TEX14: variants seen among roughly 807,000 people sequenced by gnomAD.
TEX14 encodes testis expressed 14, intercellular bridge forming factor.
A neutral mutation model predicts 178.6 loss-of-function variants in TEX14; 168 were observed. The ratio of observed to expected loss-of-function variants is 0.94; its 90% confidence interval spans 0.83 to 1.07. TEX14 has a LOEUF of 1.07. Among genes scored for constraint, TEX14 ranks in the 50% least tolerant of loss-of-function variants. The pLI is 0.00. For missense variants in TEX14, 1,730 were observed against 1,753.6 expected (o/e 0.99, Z 0.24); for synonymous variants, 626 against 634.1 (o/e 0.99, Z 0.19).
rs1159712249 is a variant in TEX14, at chr17:58,571,943, G to C, written c.3695C>G (p.Pro1232Arg). The C allele has an allele frequency of 2.5e-6, 4 of 1,614,094 alleles. No homozygotes were observed. Among genetic ancestry groups the C allele is most frequent in the Non-Finnish European group, 2.5e-6 (3 of 1,179,998 alleles). Residue 1232 changes from proline to arginine, a missense_variant, in exon 24 of 32, where the codon CCC becomes CGC. By Grantham distance (103) the Pro-to-Arg change is moderately radical (BLOSUM62 -2). Transcript: ENST00000349033. ...LDSLLTSSET[P>R]PSRLTGLKRL... Reference sequence around the variant, plus strand: ...TACAAGACCAGTCAGTCTTGAAGGGGGAGTTTCAGAGGAAGTAAGGAGAGA... The same window carrying C: ...TACAAGACCAGTCAGTCTTGAAGGGCGAGTTTCAGAGGAAGTAAGGAGAGA...
chr17:58,684,336 C>A (rs539012240), intron 1 of TEX14, among the ~76,000 whole-genome samples: 13 of 151,740 alleles, frequency 8.6e-5, no homozygotes, highest in Non-Finnish European at 1.9e-4. Context: ...GTGGTGGGTG[C>A]CTGTAATCCC....
In TEX14 at chr17:58,637,925, G is replaced by A. The variant is rs558331225; in HGVS notation, c.137-7371C>T. 4.0e-5 allele frequency among the ~76,000 whole-genome samples: 6 copies of A among 149,224 alleles called. No individual in the cohort carries two copies. In the South Asian group the frequency reaches 6.4e-4, roughly 16 times the overall value. On this transcript the variant is annotated intron_variant, in intron 2 of 31. Transcript: ENST00000349033. ...CACCCAGGCTGGAGTGCAGTGGTGC[G>A]ATCTCGGCTCACTGCAACCTCTGCC...
At chr17:58,570,719 G>A (rs1000008606) in intron 24 of TEX14, among the ~76,000 whole-genome samples, 7 of 147,844 alleles carry the variant, frequency 4.7e-5, no homozygotes, top group Admixed American at 2.1e-4. Flanking sequence ...TTCACCTCCC[G>A]GGTTCATGCA....
chr17:58,649,004 C>T (rs2046781113), intron 2 of TEX14, among the ~76,000 whole-genome samples: 1 of 150,686 alleles, frequency 6.6e-6, no homozygotes, highest in Admixed American at 6.6e-5. Context: ...GTCTCGATCT[C>T]CTGACCTCGT....
chr17:58,674,644 T>A (rs1474120428), intron 1 of TEX14, among the ~76,000 whole-genome samples: 2 of 152,118 alleles, frequency 1.3e-5, no homozygotes, highest in African/African-American at 4.8e-5. Context: ...CACTCCAGCC[T>A]GGGTGACAGA....
At chr17:58,671,655 C>G (rs545869444) in intron 1 of TEX14, among the ~76,000 whole-genome samples, 9 of 152,272 alleles carry the variant, frequency 5.9e-5, no homozygotes, top group South Asian at 2.1e-4. Flanking sequence ...CAGGGTCCAT[C>G]CCTGCCTTTC....
chr17:58,586,165 C>G (rs2044967874), intron 17 of TEX14, 83 bp from the exon 18 acceptor site: 2 of 1,397,288 alleles, frequency 1.4e-6, no homozygotes, highest in Non-Finnish European at 1.9e-6. Context: ...ATACATAATA[C>G]TATTATAACT....
At chr17:58,688,263 G>A (rs925563571) in intron 1 of TEX14, among the ~76,000 whole-genome samples, 1 of 151,920 alleles carries the variant, frequency 6.6e-6, no homozygotes, top group African/African-American at 2.4e-5. Flanking sequence ...TGGGACTATA[G>A]GTACCCTCCA....
chr17:58,615,024 CACT>C (rs1282176415), intron 8 of TEX14, among the ~76,000 whole-genome samples: 6 of 152,208 alleles, frequency 3.9e-5, no homozygotes, highest in African/African-American at 1.4e-4. Context: ...CCCTCACCAC[CACT>C]GTCCCCACTG....
chr17:58,684,940 T>C (rs762304934), intron 1 of TEX14, among the ~76,000 whole-genome samples: 23 of 152,040 alleles, frequency 1.5e-4, no homozygotes, highest in Non-Finnish European at 2.4e-4. Context: ...CATGCCTAGG[T>C]GACAGAGCAA....
chr17:58,673,374 T>C (rs1245724249), intron 1 of TEX14, among the ~76,000 whole-genome samples: 1 of 150,100 alleles, frequency 6.7e-6, no homozygotes, highest in Non-Finnish European at 1.5e-5. Context: ...TCCCAGCTAC[T>C]CAGGAGGCTG....
rs548762963 is a variant in TEX14, at chr17:58,635,428, C to CTT, written c.137-4876_137-4875dup. The stretch of plus-strand genomic sequence containing the variant: ...AACCAAGGCCTCCAAGGGCTTCTCT[C>CTT]TTTTTTTTTTTTTTTTTTTGAGACA... On this transcript the variant is annotated intron_variant, in intron 2 of 31. Transcript: ENST00000349033. 6.3e-4 allele frequency among the ~76,000 whole-genome samples: 82 copies of CTT among 129,558 alleles called. 1 individual carries two copies. The highest frequency in any genetic ancestry group is 1.5e-3 in the South Asian group (6 of 3,928). 85.0% of individuals were successfully genotyped at this position (129,558 alleles called of 152,430 possible). A position where few individuals can be genotyped will look rare whatever the true frequency, so the allele number is the denominator to read the frequency against.
chr17:58,593,110 C>T (rs2045197123), intron 15 of TEX14, among the ~76,000 whole-genome samples: 1 of 152,112 alleles, frequency 6.6e-6, no homozygotes, highest in Non-Finnish European at 1.5e-5. Context: ...AAAGTCAATT[C>T]ATTTCATTCG....
chr17:58,680,251 C>A (rs998402523), intron 1 of TEX14, among the ~76,000 whole-genome samples: 4 of 152,030 alleles, frequency 2.6e-5, no homozygotes, highest in Non-Finnish European at 5.9e-5. Context: ...ATACACGTAA[C>A]CTGAGTAAGT....
At position 58,625,702 on chromosome 17, in the gene TEX14, G is replaced by A. The variant is rs77293504; in HGVS notation, c.252-2690C>T. On this transcript the variant is annotated intron_variant, in intron 3 of 31. Transcript: ENST00000349033. Reference sequence around the variant, plus strand: ...GGTACACACAGTGTTCAAAAAAATTGAAATAGTTGGCAATATTTAACATTT... The same window carrying A: ...GGTACACACAGTGTTCAAAAAAATTAAAATAGTTGGCAATATTTAACATTT... Among the ~76,000 whole-genome samples, 354 of 152,232 alleles carry A rather than the reference G, an allele frequency of 2.3e-3. 15 individuals are homozygous for A. In the East Asian group the frequency reaches 0.057, roughly 25 times the overall value.
chr17:58,659,438 A>T (rs924138543), intron 1 of TEX14: 1 of 442,298 alleles, frequency 2.3e-6, no homozygotes, highest in Non-Finnish European at 3.0e-6. Flanking sequence ...CTCAGACTAC[A>T]CCTTCTTTGG....
At chr17:58,602,681 G>A in intron 11 of TEX14, 91 bp from the exon 12 acceptor site, 1 of 969,840 alleles carries the variant, frequency 1.0e-6, no homozygotes, top group Non-Finnish European at 1.5e-6. Context: ...GGTAACCTTA[G>A]GCAAGTCACT....
rs1158529437 is a variant in TEX14 at position 58,572,114 on chromosome 17, G to T, written c.3524C>A (p.Ser1175Ter). 1 of 1,606,380 alleles carries T rather than the reference G, an allele frequency of 6.2e-7. No homozygotes were observed. The highest frequency in any genetic ancestry group is 8.5e-7 in the Non-Finnish European group (1 of 1,173,692). The change falls in exon 24 of 32, where the codon TCA becomes TAA. Residue 1175 changes from serine (S) to a stop codon, truncating the protein, a stop_gained. Transcript: ENST00000349033. LOFTEE classifies it high-confidence loss of function. ...STPLSPGSVS[S>*]AASQYKDCLE... ...GCAGTCTTTATACTGACTGGCAGCT[G>T]AAGAAACGGACCCTGTTGGAGAAAA...
chr17:58,583,196 G>T (rs570290853), intron 19 of TEX14, among the ~76,000 whole-genome samples: 1 of 151,838 alleles, frequency 6.6e-6, no homozygotes, highest in South Asian at 2.1e-4. Flanking sequence ...GCAGTGGCCT[G>T]ATCATGGCTC....
Sources: gnomAD v4.1 joint callset for allele counts (sites outside exome capture counted in the v4.1 genomes callset) on GRCh38, gnomAD v4.1.1 for gene constraint, MANE v1.5 for transcripts, NCBI Gene and HGNC (gene_info 2026-07-23, HGNC 2026-07-21) for gene names.